Variants in PRKG1 observed in about 807,000 individuals in gnomAD.
The protein encoded by PRKG1 is cGMP-dependent protein kinase 1.
In PRKG1, 35 loss-of-function variants were observed where a neutral mutation model predicts 88.1. That is an observed-to-expected ratio of 0.40 (90% CI 0.30 to 0.53). The LOEUF is 0.53. Among genes scored for constraint, PRKG1 ranks in the 20% least tolerant of loss-of-function variants. PRKG1 has a pLI of 0.59. For synonymous variants in PRKG1, 303 were observed against 292.5 expected (o/e 1.04, Z -0.37); for missense variants, 540 against 839.8 (o/e 0.64, Z 4.41).
chr10:51,832,637 A>C (rs938110399), intron 4 of PRKG1, among the ~76,000 whole-genome samples: 1 of 152,176 alleles, frequency 6.6e-6, no homozygotes, highest in African/African-American at 2.4e-5. Context: ...TAAGTGAATT[A>C]ACAGGAGAAA....
intron 3 of PRKG1, among the ~76,000 whole-genome samples, chr10:51,709,375 TATC>T (rs1192444852): frequency 1.3e-5 from 2 of 152,220 alleles, no homozygotes; most frequent in Non-Finnish European, 2.9e-5. Flanking sequence ...TTTCAGTTAT[TATC>T]ATCTTTATCA....
At chr10:51,305,804 G>A (rs147559424) in intron 2 of PRKG1, among the ~76,000 whole-genome samples, 1 of 152,236 alleles carries the variant, frequency 6.6e-6, no homozygotes, top group African/African-American at 2.4e-5. Context: ...TTTCTTCCTA[G>A]AGAATTTGAC....
At chr10:51,138,191 G>A (rs1323087011) in intron 1 of PRKG1, among the ~76,000 whole-genome samples, 2 of 152,204 alleles carry the variant, frequency 1.3e-5, no homozygotes, top group African/African-American at 4.8e-5. Flanking sequence ...TGAGTCAAAA[G>A]TGAAATGAGG....
intron 2 of PRKG1, among the ~76,000 whole-genome samples, chr10:51,214,424 A>T (rs1259886409): frequency 6.6e-6 from 1 of 152,228 alleles, no homozygotes; most frequent in African/African-American, 2.4e-5. Flanking sequence ...TTGTATGGGT[A>T]CAGATCTTAC....
chr10:52,170,545 A>G (rs926264267), intron 9 of PRKG1, among the ~76,000 whole-genome samples: 2 of 152,098 alleles, frequency 1.3e-5, no homozygotes, highest in East Asian at 1.9e-4. Flanking sequence ...AAGTACCACA[A>G]TCACCCCCCT....
intron 5 of PRKG1, among the ~76,000 whole-genome samples, chr10:52,043,737 A>G (rs1845800178): frequency 1.3e-5 from 2 of 152,002 alleles, no homozygotes; most frequent in Non-Finnish European, 2.9e-5. Context: ...ATAGACTGCT[A>G]ATTACCCTGA....
At chr10:52,106,404 C>T (rs937486584) in intron 7 of PRKG1, among the ~76,000 whole-genome samples, 4 of 152,148 alleles carry the variant, frequency 2.6e-5, no homozygotes, top group Admixed American at 6.5e-5. Flanking sequence ...TGTATTTTTA[C>T]GTACTACCTC....
chr10:51,123,224 A>G (rs926695835), intron 1 of PRKG1, among the ~76,000 whole-genome samples: 1 of 152,230 alleles, frequency 6.6e-6, no homozygotes, highest in Non-Finnish European at 1.5e-5. Flanking sequence ...ATGATTGCAT[A>G]AAAATCCTAA....
chr10:51,833,965 C>T (rs1195893882), intron 4 of PRKG1, among the ~76,000 whole-genome samples: 3 of 152,098 alleles, frequency 2.0e-5, no homozygotes, highest in African/African-American at 7.2e-5. Flanking sequence ...TTTGTCTTTC[C>T]ATGCCTAGCC....
intron 4 of PRKG1, among the ~76,000 whole-genome samples, chr10:51,813,748 G>A (rs1354008699): frequency 6.6e-6 from 1 of 152,074 alleles, no homozygotes; most frequent in Non-Finnish European, 1.5e-5. Context: ...TACTTAGCCT[G>A]GAGATTTCAG....
intron 4 of PRKG1, among the ~76,000 whole-genome samples, chr10:51,815,184 T>G (rs73331325): frequency 0.038 from 5,803 of 152,268 alleles, 341 homozygotes; most frequent in African/African-American, 0.13. Flanking sequence ...ACAAAGCAGT[T>G]TAATATTCCT....
intron 2 of PRKG1, among the ~76,000 whole-genome samples, chr10:51,409,585 G>A (rs994951210): frequency 4.6e-5 from 7 of 151,924 alleles, no homozygotes; most frequent in Admixed American, 1.3e-4. Context: ...GGCCGGGCAC[G>A]GTGGCTCATG....
At chr10:50,997,934 A>G (rs772014605) in intron 1 of PRKG1, among the ~76,000 whole-genome samples, 15 of 152,218 alleles carry the variant, frequency 9.9e-5, no homozygotes, top group Admixed American at 3.9e-4. Flanking sequence ...TAAATTTACA[A>G]ATGTGCATTT....
intron 3 of PRKG1, among the ~76,000 whole-genome samples, chr10:51,667,200 T>C (rs971809562): frequency 2.0e-5 from 3 of 152,242 alleles, no homozygotes; most frequent in African/African-American, 7.2e-5. Flanking sequence ...TACCTATTGA[T>C]ACTTTTTATT....
chr10:51,262,666 G>A (rs1839741197), intron 2 of PRKG1, among the ~76,000 whole-genome samples: 1 of 152,168 alleles, frequency 6.6e-6, no homozygotes, highest in African/African-American at 2.4e-5. Flanking sequence ...CAGTTCCACA[G>A]GCTTAACAGG....
At chr10:51,143,607 C>T (rs768405583) in intron 1 of PRKG1, among the ~76,000 whole-genome samples, 20 of 151,868 alleles carry the variant, frequency 1.3e-4, no homozygotes, top group Non-Finnish European at 2.4e-4. Context: ...GTAAGGATTC[C>T]CTTTTCTCCA....
At chr10:51,233,162 A>G (rs907715452) in intron 2 of PRKG1, among the ~76,000 whole-genome samples, 1 of 152,186 alleles carries the variant, frequency 6.6e-6, no homozygotes, top group Non-Finnish European at 1.5e-5. Flanking sequence ...TAGAATTGAG[A>G]GAGAGCTAGA....
At chr10:51,746,686 G>A (rs778118674) in intron 3 of PRKG1, among the ~76,000 whole-genome samples, 7 of 150,618 alleles carry the variant, frequency 4.6e-5, no homozygotes, top group South Asian at 4.2e-4. Flanking sequence ...TGAGGTCACC[G>A]CACTGTAGCC....
At chr10:52,229,304 C>T (rs1840469044) in intron 9 of PRKG1, among the ~76,000 whole-genome samples, 1 of 152,206 alleles carries the variant, frequency 6.6e-6, no homozygotes, top group Non-Finnish European at 1.5e-5. Context: ...CTTTCCCCTT[C>T]TGAAAGGTAC....
Sources: gnomAD v4.1 joint callset for allele counts (sites outside exome capture counted in the v4.1 genomes callset) on GRCh38, gnomAD v4.1.1 for gene constraint, MANE v1.5 for transcripts, NCBI Gene and HGNC (gene_info 2026-07-23, HGNC 2026-07-21) for gene names.